The following NAALADL2 variants were observed in gnomAD, a reference collection of about 807,000 sequenced individuals.
The protein encoded by NAALADL2 is N-acetylated alpha-linked acidic dipeptidase like 2.
A neutral mutation model predicts 87.2 loss-of-function variants in NAALADL2; 76 were observed. The ratio of observed to expected loss-of-function variants is 0.87; its 90% CI spans 0.72 to 1.05. NAALADL2 has a LOEUF of 1.05. Ranked by LOEUF, NAALADL2 falls within the 50% of genes least tolerant of loss-of-function variation. NAALADL2 has a pLI of 0.00. For missense variants in NAALADL2, 1,089 were observed against 945.8 expected, an observed-to-expected ratio of 1.15 and a Z score of -1.99; for synonymous variants, 354 against 331.0, an observed-to-expected ratio of 1.07 and a Z score of -0.75.
At chr3:175,291,913 T>C (rs2110148681) in intron 4 of NAALADL2, among the ~76,000 whole-genome samples, 1 of 152,316 alleles carries the variant, frequency 6.6e-6, no homozygotes, top group African/African-American at 2.4e-5. Flanking sequence ...TAAGAATATA[T>C]ACTAATAATG....
intron 1 of NAALADL2, among the ~76,000 whole-genome samples, chr3:174,527,382 G>A (rs1019909461): frequency 1.3e-5 from 2 of 151,932 alleles, no homozygotes; most frequent in South Asian, 4.2e-4. Context: ...AGCTAGGTGT[G>A]GTGGCACATG....
intron 2 of NAALADL2, among the ~76,000 whole-genome samples, chr3:175,188,593 G>A (rs1406044540): frequency 1.3e-5 from 2 of 152,074 alleles, no homozygotes; most frequent in African/African-American, 2.4e-5. Flanking sequence ...CCAAATAGCT[G>A]CAAAAATTCA....
chr3:175,461,237 A>G (rs1245297263), intron 6 of NAALADL2, among the ~76,000 whole-genome samples: 1 of 151,598 alleles, frequency 6.6e-6, no homozygotes, highest in Non-Finnish European at 1.5e-5. Context: ...TCCTTTAGCT[A>G]GACACAGAGT....
At chr3:174,577,536 C>G (rs888277190) in intron 2 of NAALADL2, among the ~76,000 whole-genome samples, 17 of 152,152 alleles carry the variant, frequency 1.1e-4, no homozygotes, top group Non-Finnish European at 2.4e-4. Flanking sequence ...CCTTTTTTGA[C>G]CTCTGGACTA....
intron 2 of NAALADL2, among the ~76,000 whole-genome samples, chr3:174,631,036 C>G (rs995492837): frequency 1.3e-5 from 2 of 152,126 alleles, no homozygotes; most frequent in African/African-American, 4.8e-5. Context: ...CTAGTAAAGT[C>G]TAGGGAGTAA....
intron 13 of NAALADL2, among the ~76,000 whole-genome samples, chr3:175,789,886 A>C (rs1406503899): frequency 6.6e-6 from 1 of 152,158 alleles, no homozygotes; most frequent in Non-Finnish European, 1.5e-5. Flanking sequence ...ATTAATAAAA[A>C]AATACAAATG....
chr3:174,982,523 T>C (rs9824634), intron 1 of NAALADL2, among the ~76,000 whole-genome samples: 14,859 of 152,172 alleles, frequency 0.098, 1,708 homozygotes, highest in African/African-American at 0.28. Context: ...ATATATTTAA[T>C]CCCTACACAA....
intron 13 of NAALADL2, among the ~76,000 whole-genome samples, chr3:175,791,843 G>C (rs1576844654): frequency 6.7e-6 from 1 of 148,484 alleles, no homozygotes; most frequent in South Asian, 2.1e-4. Context: ...CTGCATACCT[G>C]AGGACCCTCT....
chr3:174,984,022 T>A (rs960402937), intron 1 of NAALADL2, among the ~76,000 whole-genome samples: 7 of 152,208 alleles, frequency 4.6e-5, no homozygotes, highest in African/African-American at 1.7e-4. Flanking sequence ...CTCATCCATG[T>A]CTGCATCTTC....
chr3:175,722,601 G>A (rs1298039849), intron 11 of NAALADL2, among the ~76,000 whole-genome samples: 1 of 152,076 alleles, frequency 6.6e-6, no homozygotes, highest in African/African-American at 2.4e-5. Flanking sequence ...CTCTTTTGGT[G>A]CTGTTTTCCA....
intron 4 of NAALADL2, among the ~76,000 whole-genome samples, chr3:175,293,674 T>G (rs1211401314): frequency 6.6e-6 from 1 of 152,112 alleles, no homozygotes; most frequent in East Asian, 1.9e-4. Context: ...CAGAGACCTC[T>G]TTCACTCTTT....
chr3:174,925,513 C>A (rs1305175292), intron 1 of NAALADL2, among the ~76,000 whole-genome samples: 1 of 152,140 alleles, frequency 6.6e-6, no homozygotes, highest in African/African-American at 2.4e-5. Flanking sequence ...GTGATGCCTC[C>A]AGCTTTGTTC....
chr3:175,167,338 C>T (rs1246848661), intron 2 of NAALADL2, among the ~76,000 whole-genome samples: 1 of 152,074 alleles, frequency 6.6e-6, no homozygotes, highest in Non-Finnish European at 1.5e-5. Flanking sequence ...TATGTCACTC[C>T]TCTGCTTAAC....
At chr3:175,521,737 A>C (rs561536145) in intron 9 of NAALADL2, among the ~76,000 whole-genome samples, 85 of 152,298 alleles carry the variant, frequency 5.6e-4, no homozygotes, top group African/African-American at 1.6e-3. Context: ...AGAAGTGCCA[A>C]GGATTGCAGG....
intron 1 of NAALADL2, among the ~76,000 whole-genome samples, chr3:175,014,606 A>G (rs1205614441): frequency 6.6e-6 from 1 of 152,170 alleles, no homozygotes; most frequent in Non-Finnish European, 1.5e-5. Context: ...AAGGATTTGG[A>G]TGCTATAATT....
intron 11 of NAALADL2, among the ~76,000 whole-genome samples, chr3:175,652,301 G>GT (rs1273510317): frequency 6.6e-6 from 1 of 152,044 alleles, no homozygotes; most frequent in Non-Finnish European, 1.5e-5. Context: ...TGAATGAAAT[G>GT]TTTAAGACAT....
rs1553855293 is a variant in NAALADL2, at chr3:174,787,576, C to CATATATATATATATATATATATACAT, written c.-9+49853_-9+49854insCATATATATATATATATATATATATA. On this transcript the variant is annotated intron_variant, in intron 3 of 3. Transcript: ENST00000434257. ...TTAATAGAAGAAGGCAATATATCATCATATATATATATATATATATATATA... is the reference window on the plus strand; with the variant it reads ...TTAATAGAAGAAGGCAATATATCATCATATATATATATATATATATATACATATATATATATATATATATATATATA... 3.2e-3 allele frequency among the ~76,000 whole-genome samples: 47 copies of CATATATATATATATATATATATACAT among 14,702 alleles called. 1 individual carries two copies. Among genetic ancestry groups the CATATATATATATATATATATATACAT allele is most frequent in the Non-Finnish European group, 5.1e-3 (34 of 6,718 alleles). 9.6% of individuals were successfully genotyped at this position (14,702 alleles called of 152,430 possible). A position where few individuals can be genotyped will look rare whatever the true frequency, so the allele number is the denominator to read the frequency against.
At chr3:175,374,919 A>G (rs1021916731) in intron 5 of NAALADL2, among the ~76,000 whole-genome samples, 7 of 151,310 alleles carry the variant, frequency 4.6e-5, no homozygotes, top group Admixed American at 3.9e-4. Context: ...TAAATAAATA[A>G]GTCAAGTTGT....
At chr3:174,953,095 G>T (rs1740620443) in intron 1 of NAALADL2, among the ~76,000 whole-genome samples, 3 of 151,914 alleles carry the variant, frequency 2.0e-5, no homozygotes, top group Admixed American at 1.3e-4. Flanking sequence ...AGAATCCCAG[G>T]TTTACAGAAG....
Sources: gnomAD v4.1 joint callset for allele counts (sites outside exome capture counted in the v4.1 genomes callset) on GRCh38, gnomAD v4.1.1 for gene constraint, MANE v1.5 for transcripts, NCBI Gene and HGNC (gene_info 2026-07-23, HGNC 2026-07-21) for gene names.